ADAMTS3: variants seen among roughly 807,000 people sequenced by gnomAD.
ADAMTS3 encodes the protein ADAM metallopeptidase with thrombospondin type 1 motif 3, also known as A disintegrin and metalloproteinase with thrombospondin motifs 3.
In ADAMTS3, 73 loss-of-function variants were observed where a neutral mutation model predicts 129.0. The observed-to-expected ratio is 0.57, with a 90% CI of 0.47 to 0.69. ADAMTS3 has a LOEUF of 0.69. ADAMTS3 is among the 30% of genes least tolerant of loss of function. ADAMTS3 has a pLI of 0.00. For synonymous variants in ADAMTS3, 477 were observed against 510.8 expected, an observed-to-expected ratio of 0.93 and a Z score of 0.89; for missense variants, 1,457 against 1,514.5, an observed-to-expected ratio of 0.96 and a Z score of 0.63.
chr4:72,328,830 C>A (rs1719764291), intron 5 of ADAMTS3, among the ~76,000 whole-genome samples: 1 of 152,088 alleles, frequency 6.6e-6, no homozygotes, highest in South Asian at 2.1e-4. Flanking sequence ...CTGAGTGATT[C>A]TGGCTAGATA....
chr4:72,567,944 C>G (rs1179209300), intron 1 of ADAMTS3: 1 of 153,854 alleles, frequency 6.5e-6, no homozygotes, highest in Non-Finnish European at 1.4e-5. Flanking sequence ...AAGGACTCTT[C>G]TGAGAGCATC....
chr4:72,325,441 C>A (rs1719674710), intron 5 of ADAMTS3, among the ~76,000 whole-genome samples: 1 of 152,086 alleles, frequency 6.6e-6, no homozygotes, highest in Admixed American at 6.6e-5. Flanking sequence ...AACAACCAGG[C>A]CTGTCACCAA....
At chr4:72,456,188 T>G (rs1466171537) in intron 3 of ADAMTS3, among the ~76,000 whole-genome samples, 25 of 32,928 alleles carry the variant, frequency 7.6e-4, no homozygotes, top group East Asian at 1.6e-3. Flanking sequence ...TATATATATT[T>G]TATATATAGT....
At position 72,331,508 on chromosome 4, in the gene ADAMTS3, A is replaced by AT. The variant is rs5859313; in HGVS notation, c.861+7985_861+7986insA. Among the ~76,000 whole-genome samples, 584 of 152,256 alleles carry AT rather than the reference A, an allele frequency of 3.8e-3. 3 individuals are homozygous for AT. Among genetic ancestry groups the AT allele is most frequent in the African/African-American group, 0.012 (497 of 41,550 alleles). ...CGGACTGATCAAGTCACTAATCTTA[A>AT]AAACCCTTTATGACTCTTGTTTGAC... On this transcript the variant is annotated intron_variant, in intron 5 of 21. Transcript: ENST00000286657.
At chr4:72,332,743 C>T (rs1332018162) in intron 5 of ADAMTS3, among the ~76,000 whole-genome samples, 2 of 152,096 alleles carry the variant, frequency 1.3e-5, no homozygotes, top group African/African-American at 4.8e-5. Context: ...AAACAACCTA[C>T]CATCTTAACC....
intron 5 of ADAMTS3, among the ~76,000 whole-genome samples, chr4:72,325,030 T>C (rs1434564): frequency 0.076 from 11,509 of 151,912 alleles, 1,016 homozygotes; most frequent in East Asian, 0.26. Flanking sequence ...ATTAAGAGAG[T>C]TAACTCATGC....
intron 3 of ADAMTS3, among the ~76,000 whole-genome samples, chr4:72,435,095 T>A (rs915833582): frequency 6.6e-6 from 1 of 151,854 alleles, no homozygotes; most frequent in African/African-American, 2.4e-5. Flanking sequence ...AAAGACATAG[T>A]TTCTAACCAT....
intron 4 of ADAMTS3, among the ~76,000 whole-genome samples, chr4:72,386,466 TTCTC>T (rs1057395208): frequency 2.0e-5 from 3 of 152,102 alleles, no homozygotes; most frequent in African/African-American, 4.8e-5. Context: ...TCTGTGTTCC[TTCTC>T]TCTCTTTTTT....
At chr4:72,493,844 C>A (rs749952070) in intron 3 of ADAMTS3, among the ~76,000 whole-genome samples, 109 of 152,030 alleles carry the variant, frequency 7.2e-4, no homozygotes, top group Non-Finnish European at 3.5e-4. Flanking sequence ...AATAATTTTA[C>A]AAAGTATAGT....
chr4:72,435,357 G>GA (rs367748355), intron 3 of ADAMTS3, among the ~76,000 whole-genome samples: 17 of 149,456 alleles, frequency 1.1e-4, no homozygotes, highest in African/African-American at 3.4e-4. Context: ...AAGCAAATGT[G>GA]AAAAAAAAAT....
chr4:72,455,784 TTA>T (rs374579698), intron 3 of ADAMTS3, among the ~76,000 whole-genome samples: 10 of 133,958 alleles, frequency 7.5e-5, no homozygotes, highest in African/African-American at 1.7e-4. Flanking sequence ...TTGTAACTAC[TTA>T]TATATATATA....
chr4:72,551,549 C>T (rs1000466288), intron 2 of ADAMTS3, among the ~76,000 whole-genome samples: 10 of 152,054 alleles, frequency 6.6e-5, no homozygotes, highest in Admixed American at 1.3e-4. Flanking sequence ...GAAAAAGATA[C>T]GATTGGCAAC....
At chr4:72,524,693 T>C (rs999901568) in intron 3 of ADAMTS3, among the ~76,000 whole-genome samples, 8 of 152,178 alleles carry the variant, frequency 5.3e-5, no homozygotes, top group African/African-American at 1.9e-4. Flanking sequence ...CTCTCTTCAC[T>C]GATATTAAAT....
At chr4:72,485,257 C>A (rs1354685912) in intron 3 of ADAMTS3, among the ~76,000 whole-genome samples, 1 of 152,092 alleles carries the variant, frequency 6.6e-6, no homozygotes, top group Admixed American at 6.6e-5. Context: ...TTGTTTCCAA[C>A]TCAAGAGGTT....
intron 3 of ADAMTS3, among the ~76,000 whole-genome samples, chr4:72,508,851 C>T (rs1007953705): frequency 2.0e-5 from 3 of 151,910 alleles, no homozygotes; most frequent in African/African-American, 7.2e-5. Context: ...TTTTACTATG[C>T]CCATGGATAG....
At chr4:72,303,881 G>A in intron 17 of ADAMTS3, 36 bp downstream of exon 17, 4 of 1,599,618 alleles carry the variant, frequency 2.5e-6, no homozygotes, top group Non-Finnish European at 3.4e-6. Context: ...AAAGTAAGCT[G>A]AGCTAACTAT....
At chr4:72,545,097 G>C (rs1406941873) in intron 3 of ADAMTS3, among the ~76,000 whole-genome samples, 2 of 151,602 alleles carry the variant, frequency 1.3e-5, no homozygotes, top group Admixed American at 1.3e-4. Flanking sequence ...TTGTTTGTTT[G>C]TTTGTTTTCT....
intron 4 of ADAMTS3, among the ~76,000 whole-genome samples, chr4:72,394,073 G>A (rs751072393): frequency 1.2e-4 from 19 of 152,106 alleles, no homozygotes; most frequent in African/African-American, 4.3e-4. Flanking sequence ...GCACTATAAA[G>A]GTCTCTAGAC....
intron 21 of ADAMTS3, among the ~76,000 whole-genome samples, chr4:72,288,215 T>G (rs952157203): frequency 1.1e-4 from 16 of 152,298 alleles, no homozygotes; most frequent in Admixed American, 9.8e-4. Flanking sequence ...GAAAATATAC[T>G]CTGCTTTTGC....
Sources: allele counts gnomAD v4.1 joint callset (sites outside exome capture counted in the v4.1 genomes callset), GRCh38; gene constraint gnomAD v4.1.1; transcripts MANE v1.5; gene names NCBI Gene and HGNC (gene_info 2026-07-23, HGNC 2026-07-21).